Variants in HMMR observed in about 807,000 individuals in gnomAD.
HMMR encodes the protein hyaluronan mediated motility receptor, also known as intracellular hyaluronic acid-binding protein.
HMMR carries 108 observed loss-of-function variants against 101.0 expected under a neutral mutation model. That is an observed-to-expected ratio of 1.07 (90% CI 0.92 to 1.25). The LOEUF (loss-of-function observed/expected upper bound fraction) is 1.25. Ranked by LOEUF, HMMR falls within the 50% of genes most tolerant of loss-of-function variation. The pLI, the probability that HMMR is intolerant of heterozygous loss-of-function variation, is 0.00. For synonymous variants in HMMR, 296 were observed against 276.4 expected, an observed-to-expected ratio of 1.07 and a Z score of -0.70; for missense variants, 813 against 788.7, an observed-to-expected ratio of 1.03 and a Z score of -0.37.
At chr5:163,477,504 C>A (rs1466381729) in intron 11 of HMMR, among the ~76,000 whole-genome samples, 1 of 151,950 alleles carries the variant, frequency 6.6e-6, no homozygotes, top group East Asian at 1.9e-4. Flanking sequence ...TTTGGGGGAA[C>A]AATACAAAAT....
intron 15 of HMMR, among the ~76,000 whole-genome samples, chr5:163,483,808 T>A (rs1455150807): frequency 2.6e-5 from 4 of 152,296 alleles, no homozygotes; most frequent in African/African-American, 9.6e-5. Context: ...TTGGTTATAA[T>A]GTGGTAATCT....
chr5:163,484,153 G>T lies in HMMR; in HGVS notation c.1870G>T (p.Asp624Tyr). 1 of 1,602,272 alleles carries T rather than the reference G, an allele frequency of 6.2e-7. No homozygotes were observed. Among genetic ancestry groups the T allele is most frequent in the Non-Finnish European group, 8.5e-7 (1 of 1,171,300 alleles). The change falls in exon 16 of 18, where the codon GAT becomes TAT. Residue 624 changes from aspartate to tyrosine, a missense_variant. Coordinates refer to ENST00000393915, the MANE Select transcript of HMMR (RefSeq NM_001142556.2). ...TCAGGAACAGCTAAATAAAATAAGAGATTCATATGCTAAATTATTGGGTCA... is the reference window on the plus strand; with the variant it reads ...TCAGGAACAGCTAAATAAAATAAGATATTCATATGCTAAATTATTGGGTCA... Reference protein sequence around the residue: ...AAQEQLNKIRDSYAKLLGHQN... With the variant: ...AAQEQLNKIRYSYAKLLGHQN...
In HMMR at chr5:163,469,823, A is replaced by C; in HGVS notation, c.456A>C (p.Lys152Asn). 6.4e-7 allele frequency: 1 copy of C among 1,572,064 alleles called. No homozygotes were observed. Among genetic ancestry groups the C allele is most frequent in the African/African-American group, 1.4e-5 (1 of 73,508 alleles). The change falls in exon 5 of 18, where the codon AAA becomes AAC. Residue 152 changes from lysine (K) to asparagine (N), a missense_variant. Physicochemically the swap from Lys to Asn is moderately conservative, Grantham distance 94 (BLOSUM62 0). Transcript: ENST00000393915. ...TGACCAGGACTAATGAACTACTAAAATCTAAGGTATCTGAGCCTCATGATA... is the reference window on the plus strand; with the variant it reads ...TGACCAGGACTAATGAACTACTAAACTCTAAGGTATCTGAGCCTCATGATA... The part of the protein sequence containing the change: ...IELTRTNELL[K>N]SKFSENGNQK...
chr5:163,485,831 G>A (rs1391520836), intron 16 of HMMR, among the ~76,000 whole-genome samples: 2 of 152,218 alleles, frequency 1.3e-5, no homozygotes, highest in Non-Finnish European at 2.9e-5. Context: ...TGTATGTGGT[G>A]TGAGGTAAGG....
At chr5:163,461,463 GA>G (rs1758530029) in intron 1 of HMMR, among the ~76,000 whole-genome samples, 1 of 152,078 alleles carries the variant, frequency 6.6e-6, no homozygotes, top group Admixed American at 6.5e-5. Flanking sequence ...CAGTAACCAG[GA>G]AGCCTTAGCT....
chr5:163,483,926 G>A (rs1030742272), intron 15 of HMMR, 143 bp from the exon 16 acceptor site: 12 of 519,940 alleles, frequency 2.3e-5, no homozygotes, highest in Admixed American at 1.6e-4. Context: ...TTCTCATAGA[G>A]AATCTATGGA....
intron 1 of HMMR, among the ~76,000 whole-genome samples, chr5:163,461,968 C>T (rs1255006450): frequency 6.6e-6 from 1 of 152,194 alleles, no homozygotes; most frequent in Non-Finnish European, 1.5e-5. Context: ...TATTCACTAT[C>T]ATACACTATT....
intron 4 of HMMR, 56 bp from the exon 5 acceptor site, chr5:163,469,585 T>C: frequency 2.1e-6 from 3 of 1,416,378 alleles, no homozygotes; most frequent in Non-Finnish European, 2.9e-6. Context: ...TGGTAGCATC[T>C]CCTTATGTTG....
chr5:163,484,239 C>A lies in HMMR; in HGVS notation c.1956C>A (p.Leu652=). 2 of 1,577,608 alleles carry A rather than the reference C, an allele frequency of 1.3e-6. No individual in the cohort carries two copies. Among genetic ancestry groups the A allele is most frequent in the South Asian group, 2.3e-5 (2 of 86,384 alleles). Residue 652 remains leucine (L), a synonymous_variant, in exon 16 of 18, where the codon CTC becomes CTA. Coordinates refer to ENST00000393915, the MANE Select transcript of HMMR (RefSeq NM_001142556.2). ...AGTTGAAAGATGAAAATAGCCAACT[C>A]AAATCGGTTTGTAAAATGACTTTTC... The part of the protein sequence containing the change: ...VVKLKDENSQ[L]KSEVSKLRCQ...
Position 163,484,261 on chromosome 5 carries a change from TTTCA to T in HMMR, c.1962+19_1962+22del, listed in dbSNP as rs1241090072. 7.0e-7 allele frequency: 1 copy of T among 1,421,970 alleles called. No homozygotes were observed. Among genetic ancestry groups the T allele is most frequent in the African/African-American group, 1.4e-5 (1 of 69,988 alleles). The allele number at this position is 1,421,970 out of a possible 1,614,324, so 88.1% of individuals were successfully genotyped here. On this transcript the variant is annotated intron_variant, in intron 16 of 17. Coordinates refer to ENST00000393915, the MANE Select transcript of HMMR (RefSeq NM_001142556.2). ...ACTCAAATCGGTTTGTAAAATGACT[TTTCA>T]TTTTATTAAAGATATTGGAGTGGGG...
chr5:163,462,753 A>G (rs1758579065), intron 1 of HMMR, among the ~76,000 whole-genome samples: 1 of 146,592 alleles, frequency 6.8e-6, no homozygotes. Context: ...GCTTGAACCC[A>G]GGAGGCAAAG....
chr5:163,472,873 G>C (rs562411436), intron 7 of HMMR, among the ~76,000 whole-genome samples: 1 of 152,186 alleles, frequency 6.6e-6, no homozygotes, highest in South Asian at 2.1e-4. Flanking sequence ...ATGTTGGATG[G>C]GTGGGGAAAC....
Position 163,460,704 on chromosome 5 carries a change from TA to T in HMMR, c.14del (p.Lys5ArgfsTer4). MSFP[K>X]APLKRFNDPS... ...AGCTGGCCGTCAACATGTCCTTTCC[TA>T]AGGCGCCCTTGAAACGATTCAATGA... On this transcript the variant is annotated frameshift_variant, in exon 1 of 18. Transcript: ENST00000393915. LOFTEE classifies it high-confidence loss of function. The T allele has an allele frequency of 6.2e-7, 1 of 1,607,772 alleles. No homozygotes were observed. Among genetic ancestry groups the T allele is most frequent in the Non-Finnish European group, 8.5e-7 (1 of 1,177,068 alleles).
chr5:163,464,862 T>C, intron 3 of HMMR, 60 bp downstream of exon 3: 1 of 1,032,100 alleles, frequency 9.7e-7, no homozygotes, highest in East Asian at 2.4e-5. Context: ...CATCTGAAAG[T>C]ATTGTATTTG....
chr5:163,469,428 C>G (rs767364987), intron 4 of HMMR, among the ~76,000 whole-genome samples: 6 of 150,446 alleles, frequency 4.0e-5, no homozygotes, highest in Non-Finnish European at 7.4e-5. Context: ...CTTATGGCAA[C>G]TAAAGTTCTT....
intron 1 of HMMR, 40 bp downstream of exon 1, chr5:163,460,778 T>G: frequency 6.4e-7 from 1 of 1,569,974 alleles, no homozygotes; most frequent in Non-Finnish European, 8.7e-7. Context: ...GGAGACGCCC[T>G]AACGCCCTTT....
rs149885819 is a variant in HMMR, at chr5:163,461,907, G to A, written c.46+1169G>A. Among the ~76,000 whole-genome samples the A allele has an allele frequency of 2.7e-5, 4 of 149,432 alleles. No individual in the cohort carries two copies. The East Asian group carries it at 8.8e-4, about 33-fold the overall frequency. On this transcript the variant is annotated intron_variant, in intron 1 of 17. Transcript: ENST00000393915. ...TTACAGATGAGAAAACAGAGGTTTT[G>A]TATCTTGCACAATCAGTAAGTGGTA...
At chr5:163,472,112 G>A (rs1473856412) in intron 7 of HMMR, among the ~76,000 whole-genome samples, 1 of 150,974 alleles carries the variant, frequency 6.6e-6, no homozygotes, top group Non-Finnish European at 1.5e-5. Flanking sequence ...CATACTCCTG[G>A]ACTCAAGTGA....
Position 163,463,978 on chromosome 5 carries a change from A to C in HMMR, c.145+24A>C, listed in dbSNP as rs138213586. On this transcript the variant is annotated intron_variant, in intron 2 of 17. Coordinates refer to ENST00000393915, the MANE Select transcript of HMMR (RefSeq NM_001142556.2). ...AGGTAATATAGATCACCAAAGAACA[A>C]TGGTTATGTGATCTTATAAGTTTTA... The C allele has an allele frequency of 8.9e-5, 68 of 764,360 alleles. 1 individual carries two copies. The East Asian group carries it at 1.8e-3, about 20-fold the overall frequency. The allele number at this position is 764,360 out of a possible 1,614,324, so 47.3% of individuals were successfully genotyped here.
Sources: gnomAD v4.1 joint callset for allele counts (sites outside exome capture counted in the v4.1 genomes callset) on GRCh38, gnomAD v4.1.1 for gene constraint, MANE v1.5 for transcripts, NCBI Gene and HGNC (gene_info 2026-07-23, HGNC 2026-07-21) for gene names.